Variants in MGAT4B observed in about 807,000 individuals in gnomAD.
MGAT4B encodes the protein N-acetylglucosaminyltransferase IVb.
MGAT4B carries 38 observed loss-of-function variants against 73.9 expected under a neutral mutation model. The ratio of observed to expected loss-of-function variants is 0.51; its 90% confidence interval spans 0.40 to 0.67. MGAT4B has a LOEUF of 0.67. MGAT4B is among the 30% of genes least tolerant of loss of function. MGAT4B has a pLI of 0.00. For missense variants in MGAT4B, 686 were observed against 735.2 expected, an observed-to-expected ratio of 0.93 and a Z score of 0.77; for synonymous variants, 373 against 313.5, an observed-to-expected ratio of 1.19 and a Z score of -2.01.
rs769691909 is a variant in MGAT4B, at chr5:179,801,491, C to T, written c.425-24G>A. ...CACTATGGGGGACGGAGGCCCGACG[C>T]TGGAAAGGGTGCGGGGGCCACCCGT... On this transcript the variant is annotated intron_variant, in intron 3 of 14. Transcript: ENST00000292591. The surrounding 1 kb of genome is among the most constrained non-coding windows in gnomAD (Gnocchi z 4.8). 20 of 1,602,606 alleles carry T rather than the reference C, an allele frequency of 1.2e-5. No individual in the cohort carries two copies. In the South Asian group the frequency reaches 1.9e-4, roughly 15 times the overall value.
rs41285561 is a variant in MGAT4B, at chr5:179,798,978, G to T, written c.1293C>A (p.Ala431=). Residue 431 remains alanine (A), a synonymous_variant, in exon 11 of 15, where the codon GCC becomes GCA. Transcript: ENST00000292591. ...AGCGGAAGCGGATGAAGTCCCCCGC[G>T]GCAGGGGTGAAGGCCCAGAAGAAGT... ...REDFFWAFTP[A]AGDFIRFRFF... is the part of the protein sequence containing the mutation. 4.3e-5 allele frequency: 70 copies of T among 1,613,766 alleles called. No individual in the cohort carries two copies. The highest frequency in any genetic ancestry group is 5.8e-5 in the Non-Finnish European group (69 of 1,180,032).
chr5:179,797,940 C>T lies in MGAT4B; in HGVS notation c.*105G>A. On this transcript the variant is annotated 3_prime_UTR_variant, in exon 15 of 15. Coordinates refer to ENST00000292591, the MANE Select transcript of MGAT4B (RefSeq NM_014275.5). ...GGCCCAAGCCCGACGCCAGGCAGAACCCTTTGGGCGGGGCCGTATCTGGCC... is the reference window on the plus strand; with the variant it reads ...GGCCCAAGCCCGACGCCAGGCAGAATCCTTTGGGCGGGGCCGTATCTGGCC... The T allele has an allele frequency of 3.4e-6, 5 of 1,473,242 alleles. No homozygotes were observed. Among genetic ancestry groups the T allele is most frequent in the Non-Finnish European group, 4.6e-6 (5 of 1,079,414 alleles). The allele number at this position is 1,473,242 out of a possible 1,614,324, so 91.3% of individuals were successfully genotyped here.
chr5:179,801,016 T>C lies in MGAT4B; in HGVS notation c.559-63A>G, dbSNP rs186120473. On this transcript the variant is annotated intron_variant, in intron 4 of 14. Coordinates refer to ENST00000292591, the MANE Select transcript of MGAT4B (RefSeq NM_014275.5). This position sits in a 1 kb window ranked among gnomAD's most constrained non-coding sequence, Gnocchi z 4.8. ...CTGCCCCAAAAGGCCTGGAAGGGCTTGGAGAAGGGGCACAGGCTTCAGATG... is the reference window on the plus strand; with the variant it reads ...CTGCCCCAAAAGGCCTGGAAGGGCTCGGAGAAGGGGCACAGGCTTCAGATG... 1 of 1,579,300 alleles carries C rather than the reference T, an allele frequency of 6.3e-7. No individual in the cohort carries two copies. The highest frequency in any genetic ancestry group is 1.7e-5 in the Admixed American group (1 of 59,742).
In MGAT4B at chr5:179,797,755, C is replaced by A; in HGVS notation, c.*290G>T. On this transcript the variant is annotated 3_prime_UTR_variant, in exon 15 of 15. Transcript: ENST00000292591. ...GTTCGCGCCAGAGACGGCGGGCGCC[C>A]AAGTAAAAGCTCTTCTAAAACGGCC... 1 of 397,128 alleles carries A rather than the reference C, an allele frequency of 2.5e-6. No individual in the cohort carries two copies. The highest frequency in any genetic ancestry group is 4.5e-6 in the Non-Finnish European group (1 of 222,468). The allele number at this position is 397,128 out of a possible 1,614,324, so 24.6% of individuals were successfully genotyped here.
chr5:179,797,892 G>GGGCCAGCGGCGGACCCCA lies in MGAT4B; in HGVS notation c.*135_*152dup. The GGGCCAGCGGCGGACCCCA allele has an allele frequency of 8.9e-7, 1 of 1,121,330 alleles. No homozygotes were observed. The highest frequency in any genetic ancestry group is 1.3e-6 in the Non-Finnish European group (1 of 790,622). The allele number at this position is 1,121,330 out of a possible 1,614,324, so 69.5% of individuals were successfully genotyped here. On this transcript the variant is annotated 3_prime_UTR_variant, in exon 15 of 15. Transcript: ENST00000292591. ...GGCAGCACCAGCTCCTAGGGCCTCC[G>GGGCCAGCGGCGGACCCCA]GGCCAGCGGCGGACCCCAGGCCGGC...
chr5:179,802,580 C>G (rs1175256933), intron 1 of MGAT4B: 1 of 993,176 alleles, frequency 1.0e-6, no homozygotes, highest in Non-Finnish European at 1.2e-6. Context: ...AGCGAGGGGA[C>G]TAGCTCTGAA....
intron 8 of MGAT4B, 56 bp downstream of exon 8, chr5:179,799,898 G>T: frequency 6.7e-7 from 1 of 1,492,628 alleles, no homozygotes; most frequent in Non-Finnish European, 9.3e-7. Context: ...CTGGGAGAGA[G>T]GATGGCAGAG....
rs1177140666 is a variant in MGAT4B, at chr5:179,797,955, C to G, written c.*90G>C. The G allele has an allele frequency of 1.3e-6, 2 of 1,509,256 alleles. No homozygotes were observed. Among genetic ancestry groups the G allele is most frequent in the Non-Finnish European group, 1.8e-6 (2 of 1,109,540 alleles). 93.5% of individuals were successfully genotyped at this position (1,509,256 alleles called of 1,614,324 possible). A position where few individuals can be genotyped will look rare whatever the true frequency, so the allele number is the denominator to read the frequency against. ...CCAGGCAGAACCCTTTGGGCGGGGC[C>G]GTATCTGGCCCTCCGGGGACGGCAG... is the stretch of plus-strand genomic sequence containing the variant. On this transcript the variant is annotated 3_prime_UTR_variant, in exon 15 of 15. Coordinates refer to ENST00000292591, the MANE Select transcript of MGAT4B (RefSeq NM_014275.5).
At position 179,806,466 on chromosome 5, in the gene MGAT4B, C is replaced by A; in HGVS notation, c.97+21G>T. On this transcript the variant is annotated intron_variant, in intron 1 of 14. Coordinates refer to ENST00000292591, the MANE Select transcript of MGAT4B (RefSeq NM_014275.5). This position sits in a 1 kb window ranked among gnomAD's most constrained non-coding sequence, Gnocchi z 4.6. ...GACGCCCAGGTGCGCCAGGTGCGGG[C>A]CGGGCGGGGGTCGCGCTCACCTTTC... is the stretch of plus-strand genomic sequence containing the variant. 8.0e-7 allele frequency: 1 copy of A among 1,254,544 alleles called. No individual in the cohort carries two copies. The allele number at this position is 1,254,544 out of a possible 1,614,324, so 77.7% of individuals were successfully genotyped here.
In MGAT4B at chr5:179,801,458, A is replaced by G; in HGVS notation, c.434T>C (p.Val145Ala). The G allele has an allele frequency of 1.9e-6, 3 of 1,606,304 alleles. No individual in the cohort carries two copies. Among genetic ancestry groups the G allele is most frequent in the Non-Finnish European group, 2.6e-6 (3 of 1,175,028 alleles). The change falls in exon 4 of 15, where the codon GTG (valine) becomes GCG (alanine). Residue 145 changes from valine to alanine, a missense_variant. Transcript: ENST00000292591. The surrounding 1 kb of genome is among the most constrained non-coding windows in gnomAD (Gnocchi z 4.8). The stretch of plus-strand genomic sequence containing the variant: ...GCGCCGCACGCTCGGGATGCCCATC[A>G]CCACCGACACTATGGGGGACGGAGG... Reference protein sequence around the residue: ...VGQGRTGVSVVMGIPSVRREV... With the variant: ...VGQGRTGVSVAMGIPSVRREV...
intron 1 of MGAT4B, 73 bp from the exon 2 acceptor site, chr5:179,802,042 G>GCA: frequency 6.2e-7 from 1 of 1,610,974 alleles, no homozygotes; most frequent in Non-Finnish European, 8.5e-7. Flanking sequence ...GTGTGCCAGC[G>GCA]CACACATCTG....
intron 1 of MGAT4B, among the ~76,000 whole-genome samples, chr5:179,804,289 CATGT>C (rs1757054681): frequency 6.6e-6 from 1 of 152,230 alleles, no homozygotes; most frequent in Non-Finnish European, 1.5e-5. Flanking sequence ...TGTCACCATG[CATGT>C]GTGTGGCAGG....
chr5:179,806,527 GA>G lies in MGAT4B; in HGVS notation c.56del (p.Phe19SerfsTer75), dbSNP rs1351391591. 4.5e-6 allele frequency: 6 copies of G among 1,339,974 alleles called. No homozygotes were observed. Among genetic ancestry groups the G allele is most frequent in the East Asian group, 4.2e-5 (1 of 23,624 alleles). 83.0% of individuals were successfully genotyped at this position (1,339,974 alleles called of 1,614,324 possible). On this transcript the variant is annotated frameshift_variant, in exon 1 of 15. Coordinates refer to ENST00000292591, the MANE Select transcript of MGAT4B (RefSeq NM_014275.5). LOFTEE classifies it high-confidence loss of function. This position sits in a 1 kb window ranked among gnomAD's most constrained non-coding sequence, Gnocchi z 4.6. ...LTLLLFCLCA[F>X]LSLSWYAALS... ...GTGCCGCGTACCAGGACAGCGAGAG[GA>G]AGGCGCACAGGCAGAAGAGCAGCAG...
At position 179,801,682 on chromosome 5, in the gene MGAT4B, A is replaced by G; in HGVS notation, c.296T>C (p.Leu99Ser). ...CCGGTGTGAGCCGTTCCACGGCTTC[A>G]ATCGGGGGTCCTCTGGGTGGGTCGG... ...TWGRLTEDPRLKPWNGSHRHV... is the reference protein window; with the variant it reads ...TWGRLTEDPRSKPWNGSHRHV... The change falls in exon 3 of 15, where the codon TTG becomes TCG. Residue 99 changes from leucine to serine, a missense_variant. Physicochemically the swap from Leu to Ser is moderately radical, Grantham distance 145 (BLOSUM62 -2). Around this residue, in one of 2 missense-constraint regions of MGAT4B, gnomAD observed 237 missense variants for 198.5 expected, o/e 1.19. Coordinates refer to ENST00000292591, the MANE Select transcript of MGAT4B (RefSeq NM_014275.5). This position sits in a 1 kb window ranked among gnomAD's most constrained non-coding sequence, Gnocchi z 4.8. The G allele has an allele frequency of 6.2e-7, 1 of 1,608,844 alleles. No homozygotes were observed. The highest frequency in any genetic ancestry group is 8.5e-7 in the Non-Finnish European group (1 of 1,178,874).
rs572426071 is a variant in MGAT4B at position 179,799,666 on chromosome 5, C to A, written c.911-30G>T. 2.2e-4 allele frequency: 347 copies of A among 1,612,680 alleles called. 6 individuals are homozygous for A. The South Asian group carries it at 3.7e-3, about 17-fold the overall frequency. On this transcript the variant is annotated intron_variant, in intron 8 of 14. Transcript: ENST00000292591. ...TGGGGAGGGGCCTGAGTGGGCAGTG[C>A]TGCTCTGCCTACTTCCTTTCTCCCT...
rs750277857 is a variant in MGAT4B at position 179,801,740 on chromosome 5, A to T, written c.283+44T>A. On this transcript the variant is annotated intron_variant, in intron 2 of 14. Coordinates refer to ENST00000292591, the MANE Select transcript of MGAT4B (RefSeq NM_014275.5). This position sits in a 1 kb window ranked among gnomAD's most constrained non-coding sequence, Gnocchi z 4.8. ...CGGGACTGAGACCAGGGAACCTACA[A>T]CCAGCCCGCCCCCGCCTTTTCCCCC... 4 of 1,581,230 alleles carry T rather than the reference A, an allele frequency of 2.5e-6. No individual in the cohort carries two copies. The highest frequency in any genetic ancestry group is 3.4e-6 in the Non-Finnish European group (4 of 1,163,230).
chr5:179,799,902 G>A (rs1756830019), intron 8 of MGAT4B, 52 bp downstream of exon 8: 3 of 1,501,148 alleles, frequency 2.0e-6, no homozygotes, highest in Non-Finnish European at 1.9e-6. Flanking sequence ...GAGAGAGGAT[G>A]GCAGAGGCAG....
chr5:179,801,611 G>A lies in MGAT4B; in HGVS notation c.367C>T (p.Leu123=). 6.2e-7 allele frequency: 1 copy of A among 1,605,546 alleles called. No homozygotes were observed. ...PTVFHHLPHL[L]AKESSLQPAV... ...GGCTGCAGACTGCTCTCCTTGGCCA[G>A]CAGGTGTGGCAGGTGATGGAAGACG... Residue 123 remains leucine (L), a synonymous_variant, in exon 3 of 15, where the codon CTG becomes TTG. Transcript: ENST00000292591. The surrounding 1 kb of genome is among the most constrained non-coding windows in gnomAD (Gnocchi z 4.8).
rs775022865 is a variant in MGAT4B at position 179,800,276 on chromosome 5, G to A, written c.720-17C>T. The A allele has an allele frequency of 6.2e-7, 1 of 1,612,986 alleles. No individual in the cohort carries two copies. The highest frequency in any genetic ancestry group is 1.1e-5 in the South Asian group (1 of 91,076). On this transcript the variant is annotated splice_polypyrimidine_tract_variant and intron_variant, in intron 6 of 14. Transcript: ENST00000292591. ...GTCCTCCACCTGTGGGCCGGGGCGGGGCCTCAGAAGTTCAGACCCCTCCAC... is the reference window on the plus strand; with the variant it reads ...GTCCTCCACCTGTGGGCCGGGGCGGAGCCTCAGAAGTTCAGACCCCTCCAC...
Sources: allele counts gnomAD v4.1 joint callset (sites outside exome capture counted in the v4.1 genomes callset), GRCh38; gene constraint gnomAD v4.1.1; regional missense constraint gnomAD v4.1.1; non-coding constraint Gnocchi (gnomAD v3.1); transcripts MANE v1.5; gene names NCBI Gene and HGNC (gene_info 2026-07-23, HGNC 2026-07-21).